SLC36A1: variants seen among roughly 807,000 people sequenced by gnomAD.
SLC36A1 encodes the protein proton-coupled amino acid transporter 1.
In SLC36A1, 30 loss-of-function variants were observed where a neutral mutation model predicts 47.5. The ratio of observed to expected loss-of-function variants is 0.63; its 90% CI spans 0.47 to 0.86. The LOEUF (loss-of-function observed/expected upper bound fraction) is 0.86. Ranked by LOEUF, SLC36A1 falls within the 40% of genes least tolerant of loss-of-function variation. The pLI is 0.00. For synonymous variants in SLC36A1, 255 were observed against 249.7 expected, an observed-to-expected ratio of 1.02 and a Z score of -0.20; for missense variants, 517 against 606.0, an observed-to-expected ratio of 0.85 and a Z score of 1.54.
At chr5:151,453,320 A>T (rs535909901) in intron 1 of SLC36A1, among the ~76,000 whole-genome samples, 3 of 152,154 alleles carry the variant, frequency 2.0e-5, no homozygotes, top group Admixed American at 1.3e-4. Context: ...ATTTAACCCA[A>T]TATATCCCAG....
At chr5:151,506,139 C>T in the SLC36A1 span, 44 of 1,489,886 alleles carry the variant, frequency 3.0e-5, no homozygotes, top group African/African-American at 9.8e-5. Flanking sequence ...ATTTTCTCCC[C>T]GGAAGGTTTC....
chr5:151,353,940 C>G, the SLC36A1 span, among the ~76,000 whole-genome samples: 1 of 152,120 alleles, frequency 6.6e-6, no homozygotes, highest in Admixed American at 6.6e-5. Context: ...TTTGAATTTA[C>G]CACAGTTTAT....
chr5:151,520,577 G>A, the SLC36A1 span, among the ~76,000 whole-genome samples: 1 of 152,190 alleles, frequency 6.6e-6, no homozygotes, highest in Non-Finnish European at 1.5e-5. Context: ...GGGGCTTATT[G>A]TGGGCCAGCC....
chr5:151,366,949 G>A, the SLC36A1 span, among the ~76,000 whole-genome samples: 1 of 152,166 alleles, frequency 6.6e-6, no homozygotes, highest in Non-Finnish European at 1.5e-5. Context: ...GGGAGGGGGT[G>A]TAAGAACAAG....
chr5:151,392,815 C>A, the SLC36A1 span, among the ~76,000 whole-genome samples: 1 of 152,162 alleles, frequency 6.6e-6, no homozygotes, highest in Non-Finnish European at 1.5e-5. Context: ...GAGTGCTTTA[C>A]TTCCAACTAT....
At chr5:151,457,998 A>G (rs796222006) in intron 1 of SLC36A1, among the ~76,000 whole-genome samples, 1 of 151,388 alleles carries the variant, frequency 6.6e-6, no homozygotes. Flanking sequence ...ACAGGCATGC[A>G]CCACCACGCC....
At chr5:151,372,607 C>T in the SLC36A1 span, among the ~76,000 whole-genome samples, 2 of 152,160 alleles carry the variant, frequency 1.3e-5, no homozygotes, top group Middle Eastern at 3.4e-3. Context: ...CCACGCCCAT[C>T]TATTTTCATA....
the SLC36A1 span, chr5:151,543,956 G>T: frequency 5.9e-5 from 95 of 1,614,062 alleles, no homozygotes; most frequent in African/African-American, 1.3e-4. Context: ...CAGGTTGCCA[G>T]TTCACTGACA....
chr5:151,554,383 A>G, the SLC36A1 span: 3 of 1,614,116 alleles, frequency 1.9e-6, no homozygotes, highest in East Asian at 4.5e-5. Context: ...TGTACTCTCC[A>G]GCTGTAAAAG....
chr5:151,434,005 C>T (rs1469403181), upstream of SLC36A1, among the ~76,000 whole-genome samples: 2 of 152,322 alleles, frequency 1.3e-5, no homozygotes, highest in African/African-American at 4.8e-5. Context: ...CAGTCTACTT[C>T]ATCTACCATG....
chr5:151,533,249 A>C, the SLC36A1 span, among the ~76,000 whole-genome samples: 1 of 152,122 alleles, frequency 6.6e-6, no homozygotes, highest in Non-Finnish European at 1.5e-5. Context: ...CTAATGGAGC[A>C]CTTACAGAGC....
chr5:151,550,804 A>G, the SLC36A1 span: 1 of 1,613,740 alleles, frequency 6.2e-7, no homozygotes, highest in East Asian at 2.2e-5. Flanking sequence ...GGGAACTCTG[A>G]CTTCATAACG....
intron 1 of SLC36A1, among the ~76,000 whole-genome samples, chr5:151,454,888 A>G (rs1207528857): frequency 6.6e-6 from 1 of 151,678 alleles, no homozygotes; most frequent in Non-Finnish European, 1.5e-5. Context: ...AATTTTTTGT[A>G]TTTTTAGTAG....
Position 151,479,303 on chromosome 5 carries a change from C to G in SLC36A1, c.990-17C>G. 2 of 1,612,620 alleles carry G rather than the reference C, an allele frequency of 1.2e-6. No individual in the cohort carries two copies. Among genetic ancestry groups the G allele is most frequent in the Non-Finnish European group, 1.7e-6 (2 of 1,178,872 alleles). On this transcript the variant is annotated splice_polypyrimidine_tract_variant and intron_variant, in intron 9 of 10. Transcript: ENST00000243389. ...TGTGCTGAGCAGGCTTGGAATGTCTCCTGTCTGTTTCGGCAGGTTGTACCA... is the reference window on the plus strand; with the variant it reads ...TGTGCTGAGCAGGCTTGGAATGTCTGCTGTCTGTTTCGGCAGGTTGTACCA...
upstream of SLC36A1, among the ~76,000 whole-genome samples, chr5:151,444,194 T>C (rs1752789681): frequency 6.6e-6 from 1 of 152,218 alleles, no homozygotes; most frequent in South Asian, 2.1e-4. Flanking sequence ...TTCTTATATC[T>C]CAGTAAAGAA....
chr5:151,442,068 T>C (rs979082282), intron 1 of SLC36A1, among the ~76,000 whole-genome samples: 5 of 145,034 alleles, frequency 3.4e-5, no homozygotes, highest in Non-Finnish European at 7.4e-5. Context: ...ATTTTTTGAT[T>C]TATCCATGTA....
the SLC36A1 span, chr5:151,505,967 C>A: frequency 6.4e-7 from 1 of 1,572,582 alleles, no homozygotes; most frequent in South Asian, 1.2e-5. Flanking sequence ...TAGGCTCTGG[C>A]ATCACGACTG....
chr5:151,375,382 C>G, the SLC36A1 span, among the ~76,000 whole-genome samples: 9,699 of 152,100 alleles, frequency 0.064, 430 homozygotes, highest in Non-Finnish European at 0.096. Flanking sequence ...ACATGTGGCT[C>G]TATTTCTGGG....
At chr5:151,411,259 C>T in the SLC36A1 span, among the ~76,000 whole-genome samples, 1,015 of 144,516 alleles carry the variant, frequency 7.0e-3, 129 homozygotes, top group African/African-American at 7.6e-3. Context: ...TATTTACTCC[C>T]GATTTATCTT....
Sources: allele counts gnomAD v4.1 joint callset (sites outside exome capture counted in the v4.1 genomes callset), GRCh38; gene constraint gnomAD v4.1.1; transcripts MANE v1.5; gene names NCBI Gene and HGNC (gene_info 2026-07-23, HGNC 2026-07-21).